The following ZXDC variants were observed in gnomAD, a reference collection of about 807,000 sequenced individuals.
The protein encoded by ZXDC is ZXD family zinc finger C.
ZXDC carries 58 observed loss-of-function variants against 63.6 expected under a neutral mutation model. The ratio of observed to expected loss-of-function variants is 0.91; its 90% confidence interval spans 0.74 to 1.13. The LOEUF (loss-of-function observed/expected upper bound fraction) is 1.13. ZXDC is among the 50% of genes most tolerant of loss of function. The pLI is 0.00. For missense variants in ZXDC, 1,133 were observed against 1,148.9 expected (o/e 0.99, Z 0.20); for synonymous variants, 561 against 496.1 (o/e 1.13, Z -1.74).
chr3:126,471,519 G>A (rs538531860), intron 3 of ZXDC, among the ~76,000 whole-genome samples: 4 of 152,128 alleles, frequency 2.6e-5, no homozygotes, highest in Non-Finnish European at 2.9e-5. Context: ...AAAAACCACT[G>A]AATCTCTCCG....
At chr3:126,463,948 AC>A (rs1199503572) in intron 5 of ZXDC, among the ~76,000 whole-genome samples, 2 of 152,254 alleles carry the variant, frequency 1.3e-5, no homozygotes, top group Non-Finnish European at 2.9e-5. Flanking sequence ...ATATAGTATC[AC>A]TTCTTCAATA....
chr3:126,469,065 G>T (rs186828525), intron 4 of ZXDC, among the ~76,000 whole-genome samples: 64 of 152,344 alleles, frequency 4.2e-4, no homozygotes, highest in Admixed American at 4.2e-3. Flanking sequence ...ACCCTGGGAG[G>T]TTTTATTCAC....
chr3:126,475,667 C>A lies in ZXDC; in HGVS notation c.199G>T (p.Glu67Ter). ...AAAGAGTCGCCGTCGCTGTCGTCCT[C>A]GGCGGGCGGCGGGCTTGGCCCGGAG... ...EASGPSPPPA[E>*]DDSDGDSFLV... is the part of the protein sequence containing the mutation. The change falls in exon 1 of 10, where the codon GAG becomes TAG. Residue 67 changes from glutamate (E) to a stop codon, truncating the protein, a stop_gained. Coordinates refer to ENST00000389709, the MANE Select transcript of ZXDC (RefSeq NM_025112.5). LOFTEE classifies it high-confidence loss of function. 2 of 1,413,200 alleles carry A rather than the reference C, an allele frequency of 1.4e-6. No homozygotes were observed. The highest frequency in any genetic ancestry group is 1.4e-5 in the South Asian group (1 of 72,012). The allele number at this position is 1,413,200 out of a possible 1,614,324, so 87.5% of individuals were successfully genotyped here. A position where few individuals can be genotyped will look rare whatever the true frequency, so the allele number is the denominator to read the frequency against.
intron 1 of ZXDC, among the ~76,000 whole-genome samples, chr3:126,473,670 AG>A (rs1935064720): frequency 6.6e-6 from 1 of 152,254 alleles, no homozygotes; most frequent in Non-Finnish European, 1.5e-5. Flanking sequence ...TGCGCAAGAC[AG>A]TCCACAGGCA....
At chr3:126,459,285 G>A in intron 7 of ZXDC, 2 of 985,436 alleles carry the variant, frequency 2.0e-6, no homozygotes, top group Non-Finnish European at 2.4e-6. Flanking sequence ...GCAGTCCCCA[G>A]GTCTCTGCCA....
chr3:126,440,274 C>G (rs535179890), intron 8 of ZXDC: 1 of 988,920 alleles, frequency 1.0e-6, no homozygotes, highest in African/African-American at 1.7e-5. Context: ...CCTGCATGTC[C>G]GCCCATGGCC....
chr3:126,451,255 T>C, intron 7 of ZXDC: 1 of 985,432 alleles, frequency 1.0e-6, no homozygotes, highest in Non-Finnish European at 1.2e-6. Context: ...ATATGTGTAC[T>C]ACTGCTTGTT....
At chr3:126,456,732 T>C (rs1232546977) in intron 7 of ZXDC, among the ~76,000 whole-genome samples, 2 of 152,140 alleles carry the variant, frequency 1.3e-5, no homozygotes, top group Non-Finnish European at 2.9e-5. Context: ...ACCCCCAAGC[T>C]TGCAGTTGCT....
chr3:126,461,355 G>C lies in ZXDC; in HGVS notation c.2127+180C>G, dbSNP rs1560099416. 4.3e-6 allele frequency: 6 copies of C among 1,384,590 alleles called. No homozygotes were observed. The East Asian group carries it at 1.3e-4, about 30-fold the overall frequency. The allele number at this position is 1,384,590 out of a possible 1,614,324, so 85.8% of individuals were successfully genotyped here. ...GAAATAAATGAGAATTTAAGGCTCA[G>C]ATGGGTTAAGGTGATTTGTCAAGGT... On this transcript the variant is annotated intron_variant, in intron 6 of 9. Coordinates refer to ENST00000389709, the MANE Select transcript of ZXDC (RefSeq NM_025112.5).
chr3:126,448,167 T>C (rs865984845), intron 7 of ZXDC, among the ~76,000 whole-genome samples: 10 of 152,392 alleles, frequency 6.6e-5, no homozygotes, highest in Admixed American at 1.3e-4. Context: ...ATGTCTTCAA[T>C]AGTTATCACA....
At chr3:126,459,154 CTT>C (rs1413706023) in intron 7 of ZXDC, 51 of 985,332 alleles carry the variant, frequency 5.2e-5, no homozygotes, top group African/African-American at 2.8e-4. Context: ...GTTACCAGCT[CTT>C]GTTTGGTCTT....
In ZXDC at chr3:126,439,633, T is replaced by C. The variant is rs1490903169; in HGVS notation, c.2489A>G (p.Gln830Arg). 10 of 1,552,638 alleles carry C rather than the reference T, an allele frequency of 6.4e-6. No individual in the cohort carries two copies. The Admixed American group carries it at 1.6e-4, about 24-fold the overall frequency. Residue 830 changes from glutamine (Q) to arginine (R), a missense_variant and splice_region_variant, in exon 9 of 10, where the codon CAG (glutamine) becomes CGG (arginine). Transcript: ENST00000389709. Reference protein sequence around the residue: ...LTVDLPVYVLQEVLPSSGGPA... With the variant: ...LTVDLPVYVLREVLPSSGGPA... ...CAAAGGGCAGTAAGGCATCCAGACC[T>C]GGAGGACGTAGACGGGCAGGTCCAC... is the stretch of plus-strand genomic sequence containing the variant.
At position 126,470,823 on chromosome 3, in the gene ZXDC, A is replaced by G. The variant is rs1934951870; in HGVS notation, c.1270+72T>C. On this transcript the variant is annotated intron_variant, in intron 4 of 9. Coordinates refer to ENST00000389709, the MANE Select transcript of ZXDC (RefSeq NM_025112.5). ...AAGCAGCTAACATTTACCTTTAAAC[A>G]ACGGAAACTTAACAGGATAAATGTT... The G allele has an allele frequency of 3.1e-6, 5 of 1,587,676 alleles. No homozygotes were observed. In the South Asian group the frequency reaches 4.5e-5, roughly 14 times the overall value.
At chr3:126,458,567 A>G in intron 7 of ZXDC, 1 of 984,458 alleles carries the variant, frequency 1.0e-6, no homozygotes, top group Non-Finnish European at 1.2e-6. Context: ...GATAATGCTG[A>G]AATATTTACA....
chr3:126,439,071 T>C (rs1307414006), intron 9 of ZXDC, among the ~76,000 whole-genome samples: 1 of 152,222 alleles, frequency 6.6e-6, no homozygotes, highest in Non-Finnish European at 1.5e-5. Flanking sequence ...CCCGGCCCTC[T>C]GCTCCCACCA....
Position 126,466,177 on chromosome 3 carries a change from G to A in ZXDC, c.1419C>T (p.Val473=), listed in dbSNP as rs781658879. ...GACCTTGGCGCCGGCTGTGCTGTCT[G>A]ACCATGTGCGCCTTCATGCTGTGCT... ...TSKHSMKAHM[V]RQHSRRQDLL... is the part of the protein sequence containing the mutation. Residue 473 remains valine, a synonymous_variant, in exon 5 of 10, where the codon GTC becomes GTT. Coordinates refer to ENST00000389709, the MANE Select transcript of ZXDC (RefSeq NM_025112.5). 2 of 1,613,986 alleles carry A rather than the reference G, an allele frequency of 1.2e-6. No individual in the cohort carries two copies. Among genetic ancestry groups the A allele is most frequent in the South Asian group, 1.1e-5 (1 of 91,078 alleles).
At chr3:126,466,923 T>C (rs552716384) in intron 4 of ZXDC, among the ~76,000 whole-genome samples, 7 of 152,152 alleles carry the variant, frequency 4.6e-5, no homozygotes, top group Admixed American at 2.0e-4. Flanking sequence ...ACATTCAAAG[T>C]TACAATCACC....
Position 126,455,746 on chromosome 3 carries a change from C to T in ZXDC, c.2212+3907G>A, listed in dbSNP as rs952748876. Reference sequence around the variant, plus strand: ...GGCATGGTGGCTCACGCCTGTAATCCCAGCACTTTGGGAGGCCGAGGCGGG... The same window carrying T: ...GGCATGGTGGCTCACGCCTGTAATCTCAGCACTTTGGGAGGCCGAGGCGGG... On this transcript the variant is annotated intron_variant, in intron 7 of 9. Coordinates refer to ENST00000389709, the MANE Select transcript of ZXDC (RefSeq NM_025112.5). 2.0e-5 allele frequency among the ~76,000 whole-genome samples: 3 copies of T among 152,138 alleles called. 1 individual carries two copies. The highest frequency in any genetic ancestry group is 4.8e-5 in the African/African-American group (2 of 41,426).
intron 8 of ZXDC, chr3:126,441,461 T>G (rs1410760732): frequency 8.5e-7 from 1 of 1,171,218 alleles, no homozygotes; most frequent in Non-Finnish European, 1.1e-6. Flanking sequence ...CCTGGGGGCC[T>G]CGGGCAGGGA....
Sources: gnomAD v4.1 joint callset for allele counts (sites outside exome capture counted in the v4.1 genomes callset) on GRCh38, gnomAD v4.1.1 for gene constraint, MANE v1.5 for transcripts, NCBI Gene and HGNC (gene_info 2026-07-23, HGNC 2026-07-21) for gene names.